Variants in ANKRD44 observed in about 807,000 individuals in gnomAD.
ANKRD44 encodes serine/threonine-protein phosphatase 6 regulatory ankyrin repeat subunit B.
In ANKRD44, 35 loss-of-function variants were observed where a neutral mutation model predicts 116.0. That is an observed-to-expected ratio of 0.30 (90% CI 0.23 to 0.40). The LOEUF (loss-of-function observed/expected upper bound fraction) is 0.40. Ranked by LOEUF, ANKRD44 falls within the 10% of genes least tolerant of loss-of-function variation. The pLI is 1.00. For synonymous variants in ANKRD44, 435 were observed against 461.8 expected, an observed-to-expected ratio of 0.94 and a Z score of 0.74; for missense variants, 1,014 against 1,242.6, an observed-to-expected ratio of 0.82 and a Z score of 2.77.
At chr2:197,128,322 A>G (rs965537450) in intron 4 of ANKRD44, among the ~76,000 whole-genome samples, 3 of 152,176 alleles carry the variant, frequency 2.0e-5, no homozygotes, top group Admixed American at 6.5e-5. Flanking sequence ...TGACATTCTA[A>G]TAACTGCCAT....
At chr2:197,173,994 C>T (rs1486437870) in intron 2 of ANKRD44, among the ~76,000 whole-genome samples, 1 of 152,148 alleles carries the variant, frequency 6.6e-6, no homozygotes, top group Non-Finnish European at 1.5e-5. Context: ...GATTGCGCTA[C>T]TGCACTCCAG....
At chr2:197,261,946 G>A (rs1355245657) in intron 1 of ANKRD44, among the ~76,000 whole-genome samples, 3 of 152,108 alleles carry the variant, frequency 2.0e-5, no homozygotes, top group Non-Finnish European at 4.4e-5. Flanking sequence ...TCTGTGTGAC[G>A]GGACAAGAGA....
At chr2:197,070,223 A>G (rs991692031) in intron 16 of ANKRD44, among the ~76,000 whole-genome samples, 2 of 152,056 alleles carry the variant, frequency 1.3e-5, no homozygotes, top group Admixed American at 6.6e-5. Context: ...TGATCTGTAC[A>G]CTTTTTATTT....
At chr2:197,193,310 C>G (rs1187515136) in intron 1 of ANKRD44, among the ~76,000 whole-genome samples, 1 of 152,028 alleles carries the variant, frequency 6.6e-6, no homozygotes, top group Non-Finnish European at 1.5e-5. Context: ...ATGGCCAACC[C>G]AAAGTAAAAC....
At chr2:197,222,476 C>G (rs2081606865) in intron 1 of ANKRD44, among the ~76,000 whole-genome samples, 1 of 152,220 alleles carries the variant, frequency 6.6e-6, no homozygotes, top group East Asian at 1.9e-4. Flanking sequence ...AAAACATTCT[C>G]TGCCCTCATT....
At chr2:197,075,944 C>T (rs2077656335) in intron 16 of ANKRD44, among the ~76,000 whole-genome samples, 1 of 152,108 alleles carries the variant, frequency 6.6e-6, no homozygotes, top group Admixed American at 6.5e-5. Context: ...GCGCCAAAGA[C>T]ACATTTCATC....
chr2:196,995,923 T>A (rs927797632), intron 25 of ANKRD44, among the ~76,000 whole-genome samples: 1 of 152,260 alleles, frequency 6.6e-6, no homozygotes. Flanking sequence ...TCATTCATCA[T>A]CATTAATTGC....
At position 197,025,224 on chromosome 2, in the gene ANKRD44, C is replaced by T. The variant is rs757920016; in HGVS notation, c.1694G>A (p.Gly565Asp). 3 of 1,612,480 alleles carry T rather than the reference C, an allele frequency of 1.9e-6. No individual in the cohort carries two copies. The highest frequency in any genetic ancestry group is 2.7e-5 in the African/African-American group (2 of 74,920). Residue 565 changes from glycine to aspartate, a missense_variant, in exon 17 of 28, where the codon GGT becomes GAT. By Grantham distance (94) the Gly-to-Asp change is moderately conservative. Transcript: ENST00000282272. The stretch of plus-strand genomic sequence containing the variant: ...TAAGTGGAGTGGACTCTTAGTAGCA[C>T]CAGAATCTGATTCTTCAAATCCACT... ...TNSGFEESDS[G>D]ATKSPLHLAA...
intron 23 of ANKRD44, 147 bp downstream of exon 23, chr2:197,000,272 A>C (rs6434897): frequency 0.91 from 576,577 of 634,196 alleles, 262,610 homozygotes; most frequent in East Asian, 1. Flanking sequence ...AGGGAAATTT[A>C]TTTTAATTAT....
intron 1 of ANKRD44, among the ~76,000 whole-genome samples, chr2:197,276,564 CT>C (rs2083091177): frequency 6.6e-6 from 1 of 152,048 alleles, no homozygotes; most frequent in Non-Finnish European, 1.5e-5. Context: ...AAAAATGTAA[CT>C]ATTTCATTAG....
At chr2:197,080,214 A>G (rs2077761502) in intron 15 of ANKRD44, among the ~76,000 whole-genome samples, 1 of 152,242 alleles carries the variant, frequency 6.6e-6, no homozygotes, top group South Asian at 2.1e-4. Flanking sequence ...TAGCCAAACT[A>G]TATATACTAA....
At chr2:197,055,224 A>T (rs2077181310) in intron 16 of ANKRD44, among the ~76,000 whole-genome samples, 1 of 152,200 alleles carries the variant, frequency 6.6e-6, no homozygotes, top group Non-Finnish European at 1.5e-5. Flanking sequence ...ATGTTTATAA[A>T]TACTTGGACA....
chr2:197,019,180 C>T (rs2076448545), intron 17 of ANKRD44, among the ~76,000 whole-genome samples: 2 of 152,184 alleles, frequency 1.3e-5, no homozygotes, highest in African/African-American at 4.8e-5. Flanking sequence ...GTGGCTTGAG[C>T]GGAGCTATGA....
At chr2:197,032,550 G>A (rs1168438225) in intron 16 of ANKRD44, among the ~76,000 whole-genome samples, 1 of 152,004 alleles carries the variant, frequency 6.6e-6, no homozygotes, top group African/African-American at 2.4e-5. Context: ...CACCACGCCT[G>A]GCTAGTTTTT....
At chr2:197,283,774 C>A (rs1257372757) in intron 1 of ANKRD44, among the ~76,000 whole-genome samples, 1 of 151,946 alleles carries the variant, frequency 6.6e-6, no homozygotes, top group Non-Finnish European at 1.5e-5. Context: ...ATGTTTGTAG[C>A]ATAAAGAAGC....
At chr2:197,056,667 C>T (rs558378303) in intron 16 of ANKRD44, among the ~76,000 whole-genome samples, 2 of 151,998 alleles carry the variant, frequency 1.3e-5, no homozygotes, top group South Asian at 2.1e-4. Context: ...ATTTTAGATG[C>T]TAGTAAAAAT....
At position 197,110,415 on chromosome 2, in the gene ANKRD44, TA is replaced by T. The variant is rs570112116; in HGVS notation, c.985+350del. The stretch of plus-strand genomic sequence containing the variant: ...TATAGTGAACTCTAAAATTTAAAAA[TA>T]ATTCAGATTTGTTGCTGGAAAATGA... On this transcript the variant is annotated intron_variant, in intron 9 of 27. Transcript: ENST00000282272. Among the ~76,000 whole-genome samples the T allele has an allele frequency of 7.9e-5, 12 of 152,336 alleles. No homozygotes were observed. In the South Asian group the frequency reaches 2.5e-3, roughly 32 times the overall value.
chr2:197,033,426 T>C (rs919344514), intron 16 of ANKRD44, among the ~76,000 whole-genome samples: 1 of 152,194 alleles, frequency 6.6e-6, no homozygotes, highest in African/African-American at 2.4e-5. Context: ...TCAAGCACTC[T>C]CCTAGGGGCC....
intron 27 of ANKRD44, chr2:196,990,780 G>A (rs928918434): frequency 2.0e-5 from 25 of 1,232,038 alleles, no homozygotes; most frequent in African/African-American, 6.2e-5. Context: ...GGAGAGGGTC[G>A]TCCTGCTCAA....
Sources: allele counts gnomAD v4.1 joint callset (sites outside exome capture counted in the v4.1 genomes callset), GRCh38; gene constraint gnomAD v4.1.1; transcripts MANE v1.5; gene names NCBI Gene and HGNC (gene_info 2026-07-23, HGNC 2026-07-21).